Variants in RFX4 observed in about 807,000 individuals in gnomAD.
RFX4 encodes regulatory factor X4.
A neutral mutation model predicts 95.0 loss-of-function variants in RFX4; 10 were observed. That is an observed-to-expected ratio of 0.11 (90% confidence interval 0.06 to 0.18). The LOEUF (loss-of-function observed/expected upper bound fraction) is 0.18, where lower values mean the gene tolerates loss of function less well. Among genes scored for constraint, RFX4 ranks in the 10% least tolerant of loss-of-function variants. The pLI is 1.00. For synonymous variants in RFX4, 321 were observed against 340.7 expected, an observed-to-expected ratio of 0.94 and a Z score of 0.64; for missense variants, 640 against 922.0, an observed-to-expected ratio of 0.69 and a Z score of 3.96.
At chr12:106,639,182 G>A (rs553429608) in intron 2 of RFX4, 150 bp from the exon 3 acceptor site, 31 of 617,268 alleles carry the variant, frequency 5.0e-5, no homozygotes, top group South Asian at 2.4e-4. Context: ...AGTATGATGA[G>A]TCTAACATGT....
At position 106,635,954 on chromosome 12, in the gene RFX4, C is replaced by T. The variant is rs138827106; in HGVS notation, c.131-3378C>T. Among the ~76,000 whole-genome samples, 585 of 152,298 alleles carry T rather than the reference C, an allele frequency of 3.8e-3. 4 individuals are homozygous for T. Among genetic ancestry groups the T allele is most frequent in the African/African-American group, 0.013 (534 of 41,548 alleles). On this transcript the variant is annotated intron_variant, in intron 2 of 17. Coordinates refer to ENST00000392842, the MANE Select transcript of RFX4 (RefSeq NM_213594.3). ...GTTTAGGGGTTCACTTACCCACATT[C>T]TTGTGAGACCCACATGTTCATGTCT...
intron 13 of RFX4, among the ~76,000 whole-genome samples, chr12:106,727,244 T>A (rs2042518614): frequency 6.6e-6 from 1 of 152,208 alleles, no homozygotes; most frequent in Non-Finnish European, 1.5e-5. Context: ...ATCATCATTA[T>A]AGATACAGAG....
intron 2 of RFX4, among the ~76,000 whole-genome samples, chr12:106,628,427 AG>A (rs1342350908): frequency 2.6e-5 from 4 of 152,292 alleles, no homozygotes; most frequent in African/African-American, 9.6e-5. Flanking sequence ...TAGACCATAA[AG>A]CCTCCCTAGA....
chr12:106,751,002 C>T (rs1050506521), intron 17 of RFX4, among the ~76,000 whole-genome samples: 15 of 151,382 alleles, frequency 9.9e-5, no homozygotes, highest in East Asian at 3.9e-4. Flanking sequence ...TAGTTACATA[C>T]GTATACATGT....
intron 8 of RFX4, among the ~76,000 whole-genome samples, chr12:106,707,323 G>A (rs1379574025): frequency 3.3e-5 from 5 of 152,158 alleles, no homozygotes; most frequent in Non-Finnish European, 5.9e-5. Context: ...GTTAAGTGCA[G>A]ACAGTGAATC....
chr12:106,636,674 A>C (rs2040520590), intron 2 of RFX4, among the ~76,000 whole-genome samples: 1 of 152,204 alleles, frequency 6.6e-6, no homozygotes, highest in South Asian at 2.1e-4. Context: ...AACATTTAGC[A>C]TTAGTGTGGT....
chr12:106,589,261 T>C (rs927035223), intron 1 of RFX4, among the ~76,000 whole-genome samples: 2 of 152,220 alleles, frequency 1.3e-5, no homozygotes, highest in African/African-American at 4.8e-5. Context: ...TGGGTTTTAT[T>C]CAGTCTCACT....
At chr12:106,613,457 G>A (rs555987733) in intron 2 of RFX4, among the ~76,000 whole-genome samples, 1 of 151,730 alleles carries the variant, frequency 6.6e-6, no homozygotes, top group Admixed American at 6.6e-5. Context: ...CTGCCTCCCA[G>A]GTTCAAGCGA....
intron 13 of RFX4, among the ~76,000 whole-genome samples, chr12:106,724,735 A>C (rs976520998): frequency 6.6e-6 from 1 of 152,108 alleles, no homozygotes; most frequent in African/African-American, 2.4e-5. Flanking sequence ...TAAAGGATGC[A>C]TTTCAGCTGG....
chr12:106,715,721 G>GA, intron 11 of RFX4, 177 bp downstream of exon 11: 1 of 703,970 alleles, frequency 1.4e-6, no homozygotes, highest in Non-Finnish European at 2.3e-6. Flanking sequence ...TGATTGACTT[G>GA]AGAGGACATG....
At chr12:106,711,134 C>T (rs887364267) in intron 9 of RFX4, among the ~76,000 whole-genome samples, 8 of 152,144 alleles carry the variant, frequency 5.3e-5, no homozygotes, top group African/African-American at 1.9e-4. Flanking sequence ...TTGCAATTAG[C>T]GAAATGAAAG....
chr12:106,721,167 G>A (rs1215292400), intron 13 of RFX4, among the ~76,000 whole-genome samples: 2 of 152,144 alleles, frequency 1.3e-5, no homozygotes, highest in Non-Finnish European at 2.9e-5. Flanking sequence ...TGTTCCCAGT[G>A]ATTGCTGCTT....
chr12:106,723,886 G>T (rs1371366963), intron 13 of RFX4, among the ~76,000 whole-genome samples: 2 of 152,172 alleles, frequency 1.3e-5, no homozygotes, highest in African/African-American at 4.8e-5. Context: ...GTGGACTCAG[G>T]GAAGTGGCAG....
rs904764514 is a variant in RFX4 at position 106,671,811 on chromosome 12, G to T, written c.316-10182G>T. ...TGAGTAGCTGGGACTACAGGTGCAC[G>T]CCACCACGCCTGACTAGTTTTTTGT... On this transcript the variant is annotated intron_variant, in intron 4 of 17. Coordinates refer to ENST00000392842, the MANE Select transcript of RFX4 (RefSeq NM_213594.3). Among the ~76,000 whole-genome samples, 4 of 152,136 alleles carry T rather than the reference G, an allele frequency of 2.6e-5. No homozygotes were observed. The South Asian group carries it at 8.3e-4, about 32-fold the overall frequency.
intron 1 of RFX4, among the ~76,000 whole-genome samples, chr12:106,591,136 T>C (rs747555913): frequency 2.6e-5 from 4 of 152,076 alleles, no homozygotes; most frequent in Admixed American, 6.5e-5. Context: ...TCTTCTTCTT[T>C]CTTTCTTTCT....
chr12:106,746,149 A>G (rs1593009305), intron 15 of RFX4, among the ~76,000 whole-genome samples: 2 of 152,216 alleles, frequency 1.3e-5, no homozygotes, highest in South Asian at 2.1e-4. Flanking sequence ...CAAGGTTAGG[A>G]GTTCGAGACC....
intron 1 of RFX4, among the ~76,000 whole-genome samples, chr12:106,594,709 A>G (rs1247270885): frequency 6.6e-6 from 1 of 151,716 alleles, no homozygotes; most frequent in Non-Finnish European, 1.5e-5. Flanking sequence ...CGAGCTGAGC[A>G]GTGCACAGGG....
rs2039399953 is a variant in RFX4, at chr12:106,583,252, A to G, written c.-69A>G. 3.3e-6 allele frequency: 2 copies of G among 608,332 alleles called. No individual in the cohort carries two copies. The highest frequency in any genetic ancestry group is 5.4e-6 in the Non-Finnish European group (2 of 372,962). 37.7% of individuals were successfully genotyped at this position (608,332 alleles called of 1,614,324 possible). ...TCCCTCCCTCCCTTCCTCCCTGGGC[A>G]TCTCTAGCACAGGGGATCCCCAAAC... is the stretch of plus-strand genomic sequence containing the variant. On this transcript the variant is annotated 5_prime_UTR_variant, in exon 1 of 18. Coordinates refer to ENST00000392842, the MANE Select transcript of RFX4 (RefSeq NM_213594.3).
At chr12:106,724,250 A>G (rs1389255235) in intron 13 of RFX4, among the ~76,000 whole-genome samples, 1 of 152,226 alleles carries the variant, frequency 6.6e-6, no homozygotes, top group South Asian at 2.1e-4. Context: ...TTAACTCTGC[A>G]ATGTAGGTAA....
Sources: gnomAD v4.1 joint callset for allele counts (sites outside exome capture counted in the v4.1 genomes callset) on GRCh38, gnomAD v4.1.1 for gene constraint, MANE v1.5 for transcripts, NCBI Gene and HGNC (gene_info 2026-07-23, HGNC 2026-07-21) for gene names.